The following TOGARAM2 variants were observed in gnomAD, a reference collection of about 807,000 sequenced individuals.
The protein encoded by TOGARAM2 is TOG array regulator of axonemal microtubules protein 2.
TOGARAM2 carries 85 observed loss-of-function variants against 93.3 expected under a neutral mutation model. The ratio of observed to expected loss-of-function variants is 0.91; its 90% CI spans 0.76 to 1.09. TOGARAM2 has a LOEUF of 1.09. Ranked by LOEUF, TOGARAM2 falls within the 50% of genes least tolerant of loss-of-function variation. TOGARAM2 has a pLI of 0.00. For synonymous variants in TOGARAM2, 593 were observed against 552.8 expected (o/e 1.07, Z -1.02); for missense variants, 1,277 against 1,334.5 (o/e 0.96, Z 0.67).
chr2:29,029,050 G>T (rs1396170534), intron 14 of TOGARAM2, among the ~76,000 whole-genome samples: 2 of 152,216 alleles, frequency 1.3e-5, no homozygotes, highest in Non-Finnish European at 2.9e-5. Flanking sequence ...ACAGTGTGGA[G>T]ATTCCTTAAA....
At chr2:29,011,390 C>A in intron 6 of TOGARAM2, 65 bp from the exon 7 acceptor site, 3 of 1,528,032 alleles carry the variant, frequency 2.0e-6, no homozygotes, top group Non-Finnish European at 1.8e-6. Context: ...CCACCCTGGG[C>A]TCCCCCAGCA....
At chr2:29,007,325 G>T (rs939963068) in intron 6 of TOGARAM2, among the ~76,000 whole-genome samples, 5 of 152,144 alleles carry the variant, frequency 3.3e-5, no homozygotes, top group African/African-American at 1.2e-4. Context: ...GGACCACCTC[G>T]TGTTTCCCCA....
intron 6 of TOGARAM2, among the ~76,000 whole-genome samples, chr2:29,005,478 CATGT>C (rs1673683524): frequency 3.8e-5 from 1 of 26,126 alleles, no homozygotes; most frequent in African/African-American, 9.2e-5. Flanking sequence ...CATGTGTGTG[CATGT>C]GTGCATGTGT....
chr2:29,024,917 G>C (rs6739537), intron 13 of TOGARAM2, among the ~76,000 whole-genome samples: 57,345 of 152,128 alleles, frequency 0.38, 11,886 homozygotes, highest in Middle Eastern at 0.5. Flanking sequence ...TGCTCCTGGG[G>C]AGGGGAAGGT....
intron 7 of TOGARAM2, among the ~76,000 whole-genome samples, chr2:29,013,301 G>T (rs1572704881): frequency 6.6e-6 from 1 of 152,236 alleles, no homozygotes; most frequent in African/African-American, 2.4e-5. Flanking sequence ...GCATTCGAAG[G>T]TTACTGGCTG....
intron 19 of TOGARAM2, chr2:29,045,659 A>G: frequency 2.1e-6 from 1 of 485,220 alleles, no homozygotes. Flanking sequence ...TTACAGGTTG[A>G]ATCTCCCTAA....
intron 14 of TOGARAM2, among the ~76,000 whole-genome samples, chr2:29,027,826 A>T (rs1327346835): frequency 6.7e-6 from 1 of 148,712 alleles, no homozygotes; most frequent in Non-Finnish European, 1.5e-5. Context: ...GGCAAAGCAA[A>T]TGTCACAGAG....
At chr2:29,007,948 A>G (rs368198054) in intron 6 of TOGARAM2, among the ~76,000 whole-genome samples, 2 of 150,674 alleles carry the variant, frequency 1.3e-5, no homozygotes, top group South Asian at 2.1e-4. Context: ...CCACCCATTC[A>G]TTTCATCTCC....
chr2:28,985,307 C>G (rs1370405968), intron 1 of TOGARAM2, among the ~76,000 whole-genome samples: 2 of 151,948 alleles, frequency 1.3e-5, no homozygotes, highest in Non-Finnish European at 2.9e-5. Flanking sequence ...TTGGACTTCC[C>G]AGCCTCCAGA....
upstream of TOGARAM2, among the ~76,000 whole-genome samples, chr2:28,977,178 T>C (rs1036126335): frequency 3.3e-5 from 5 of 152,180 alleles, no homozygotes; most frequent in African/African-American, 1.2e-4. Flanking sequence ...AGGGACTTGT[T>C]GGAGGGCACA....
intron 19 of TOGARAM2, chr2:29,050,525 T>A (rs1443695101): frequency 6.6e-6 from 1 of 152,174 alleles, no homozygotes; most frequent in Non-Finnish European, 1.5e-5. Flanking sequence ...CTTGCTTTCC[T>A]CCTCTGGAAA....
intron 6 of TOGARAM2, among the ~76,000 whole-genome samples, chr2:29,009,746 G>C (rs1267264239): frequency 1.3e-5 from 2 of 152,120 alleles, no homozygotes; most frequent in Non-Finnish European, 2.9e-5. Context: ...GCCGGGAGGG[G>C]CTCTTGCTGG....
chr2:28,957,764 G>T (rs935981398), intron 1 of TOGARAM2, among the ~76,000 whole-genome samples: 13 of 152,210 alleles, frequency 8.5e-5, no homozygotes, highest in African/African-American at 3.1e-4. Flanking sequence ...CAGTTTCATA[G>T]GATAGGGAAG....
rs1285871207 is a variant in TOGARAM2, at chr2:29,004,963, T to C, written c.830+1281T>C. Among the ~76,000 whole-genome samples, 154 of 136,822 alleles carry C rather than the reference T, an allele frequency of 1.1e-3. 3 individuals are homozygous for C. The East Asian group carries it at 0.032, about 28-fold the overall frequency. The allele number at this position is 136,822 out of a possible 152,430, so 89.8% of individuals were successfully genotyped here. On this transcript the variant is annotated intron_variant, in intron 6 of 19. Transcript: ENST00000379558. ...GTGTGCATGTGTGTGCATGTGTATG[T>C]GTGTGAGTGCATGTGTGTATGTGTG... is the stretch of plus-strand genomic sequence containing the variant.
intron 1 of TOGARAM2, among the ~76,000 whole-genome samples, chr2:28,965,037 C>T (rs1455854269): frequency 1.3e-5 from 2 of 152,148 alleles, no homozygotes; most frequent in African/African-American, 4.8e-5. Context: ...ATGGTATTTC[C>T]GGTTCTAGAT....
chr2:29,011,568 A>C (rs1364460066), intron 7 of TOGARAM2, 67 bp downstream of exon 7: 1 of 1,477,638 alleles, frequency 6.8e-7, no homozygotes, highest in Non-Finnish European at 9.2e-7. Context: ...TGGGTCAGGG[A>C]AACAGAATTA....
At position 29,026,892 on chromosome 2, in the gene TOGARAM2, C is replaced by G; in HGVS notation, c.1893C>G (p.His631Gln). 1 of 1,593,738 alleles carries G rather than the reference C, an allele frequency of 6.3e-7. No individual in the cohort carries two copies. Among genetic ancestry groups the G allele is most frequent in the Non-Finnish European group, 8.5e-7 (1 of 1,170,260 alleles). The change falls in exon 14 of 20, where the codon CAC (histidine) becomes CAG (glutamine). Residue 631 changes from histidine (H) to glutamine (Q), a missense_variant. His to Gln is a conservative substitution (Grantham distance 24). Coordinates refer to ENST00000379558, the MANE Select transcript of TOGARAM2 (RefSeq NM_199280.4). Reference sequence around the variant, plus strand: ...TGATCCGGAAATACGCGGCTGAGCACCTCTCAGCTGTGCTGGAGCAGATCG... The same window carrying G: ...TGATCCGGAAATACGCGGCTGAGCAGCTCTCAGCTGTGCTGGAGCAGATCG... The part of the protein sequence containing the change: ...NPLIRKYAAE[H>Q]LSAVLEQIGA...
At chr2:29,028,004 T>C (rs770116426) in intron 14 of TOGARAM2, among the ~76,000 whole-genome samples, 3 of 152,116 alleles carry the variant, frequency 2.0e-5, no homozygotes, top group African/African-American at 4.8e-5. Context: ...TTGGAAGTCA[T>C]TGGAGTGTTT....
intron 1 of TOGARAM2, among the ~76,000 whole-genome samples, chr2:28,967,084 C>T (rs1558392833): frequency 6.6e-6 from 1 of 152,108 alleles, no homozygotes; most frequent in Non-Finnish European, 1.5e-5. Flanking sequence ...TTTTAGGCTC[C>T]CAAGGTGCTC....
Sources: allele counts gnomAD v4.1 joint callset (sites outside exome capture counted in the v4.1 genomes callset), GRCh38; gene constraint gnomAD v4.1.1; transcripts MANE v1.5; gene names NCBI Gene and HGNC (gene_info 2026-07-23, HGNC 2026-07-21).